Variants in SLK observed in about 807,000 individuals in gnomAD.
SLK encodes the protein STE20-like serine/threonine-protein kinase.
In SLK, 67 loss-of-function variants were observed where a neutral mutation model predicts 147.7. The ratio of observed to expected loss-of-function variants is 0.45; its 90% CI spans 0.37 to 0.56. SLK has a LOEUF of 0.56. Ranked by LOEUF, SLK falls within the 20% of genes least tolerant of loss-of-function variation. The pLI, the probability that SLK is intolerant of heterozygous loss-of-function variation, is 0.00. For missense variants in SLK, 1,136 were observed against 1,438.8 expected, an observed-to-expected ratio of 0.79 and a Z score of 3.41; for synonymous variants, 441 against 475.0, an observed-to-expected ratio of 0.93 and a Z score of 0.93.
rs1843729794 is a variant in SLK, at chr10:103,967,545, T to C, written c.-201T>C. ...GGGCCGGGCTCGGCGGAGGGGCCGC[T>C]CGCGCAGCACCCCCACCGCGGGCCG... is the stretch of plus-strand genomic sequence containing the variant. On this transcript the variant is annotated 5_prime_UTR_variant, in exon 1 of 19. Coordinates refer to ENST00000369755, the MANE Select transcript of SLK (RefSeq NM_014720.4). The C allele has an allele frequency of 6.5e-6, 1 of 154,354 alleles. No homozygotes were observed. Among genetic ancestry groups the C allele is most frequent in the Non-Finnish European group, 1.4e-5 (1 of 72,400 alleles). The allele number at this position is 154,354 out of a possible 1,614,324, so 9.6% of individuals were successfully genotyped here.
Position 104,002,098 on chromosome 10 carries a change from G to A in SLK, c.994-74G>A, listed in dbSNP as rs988867571. On this transcript the variant is annotated intron_variant, in intron 8 of 18. Transcript: ENST00000369755. ...TACTGAATAAAGATCTGAAATCACT[G>A]TAGGTCTGTAAACATTGTTTTGGTC... 5.7e-6 allele frequency: 6 copies of A among 1,051,066 alleles called. No individual in the cohort carries two copies. The African/African-American group carries it at 6.4e-5, about 11-fold the overall frequency. 65.1% of individuals were successfully genotyped at this position (1,051,066 alleles called of 1,614,324 possible).
Position 103,967,757 on chromosome 10 carries a change from C to T in SLK, c.12C>T (p.Phe4=). 1 of 1,614,038 alleles carries T rather than the reference C, an allele frequency of 6.2e-7. No homozygotes were observed. Among genetic ancestry groups the T allele is most frequent in the Non-Finnish European group, 8.5e-7 (1 of 1,179,926 alleles). ...TGTTGGGAGGAAAAATGTCCTTCTT[C>T]AATTTCCGTAAGATCTTCAAGTTGG... MSF[F]NFRKIFKLGS... The change falls in exon 1 of 19, where the codon TTC becomes TTT. Residue 4 remains phenylalanine, a synonymous_variant. Transcript: ENST00000369755.
At chr10:104,016,949 T>C (rs1844472888) in intron 13 of SLK, among the ~76,000 whole-genome samples, 1 of 152,218 alleles carries the variant, frequency 6.6e-6, no homozygotes, top group South Asian at 2.1e-4. Context: ...ATTGATTGAA[T>C]AGTCCATGAG....
At chr10:104,005,819 C>A in intron 10 of SLK, 93 bp from the exon 11 acceptor site, 1 of 1,506,844 alleles carries the variant, frequency 6.6e-7, no homozygotes, top group Non-Finnish European at 9.0e-7. Flanking sequence ...TACCGTTCCA[C>A]TCGAAAGAAA....
chr10:104,008,489 T>G, intron 12 of SLK, 133 bp downstream of exon 12: 2 of 645,692 alleles, frequency 3.1e-6, no homozygotes, highest in South Asian at 2.1e-5. Context: ...TCATTCGGTC[T>G]TCTCAACAGT....
In SLK at chr10:104,025,587, A is replaced by T. The variant is rs1413920626; in HGVS notation, c.3575A>T (p.Glu1192Val). The change falls in exon 19 of 19, where the codon GAG becomes GTG. Residue 1192 changes from glutamate to valine, a missense_variant. Physicochemically the swap from Glu to Val is moderately radical, Grantham distance 121. This residue lies in a region of SLK where 327 missense variants were observed against 457.5 expected (regional missense o/e 0.71). Transcript: ENST00000369755. ...TTTCTTTTTAAGACACTGGAAGAAG[A>T]GTTTGCCAGGAAACTACAGGAACAG... is the stretch of plus-strand genomic sequence containing the variant. ...LRPRKKTLEE[E>V]FARKLQEQEV... 6.2e-7 allele frequency: 1 copy of T among 1,613,814 alleles called. No homozygotes were observed. The highest frequency in any genetic ancestry group is 8.5e-7 in the Non-Finnish European group (1 of 1,179,844).
chr10:104,016,064 A>T (rs1353933395), intron 13 of SLK, among the ~76,000 whole-genome samples: 2 of 152,176 alleles, frequency 1.3e-5, no homozygotes, highest in Middle Eastern at 3.2e-3. Context: ...CACGCTTGTA[A>T]TCCCAGCACT....
rs181709737 is a variant in SLK at position 103,968,634 on chromosome 10, A to G, written c.150+739A>G. Among the ~76,000 whole-genome samples the G allele has an allele frequency of 8.5e-5, 13 of 152,352 alleles. No individual in the cohort carries two copies. In the East Asian group the frequency reaches 2.5e-3, roughly 29 times the overall value. ...TCCTAAGGAACATATGAATGATGTCATTGGAGTATTTTCATCCTGAAGGGC... is the reference window on the plus strand; with the variant it reads ...TCCTAAGGAACATATGAATGATGTCGTTGGAGTATTTTCATCCTGAAGGGC... On this transcript the variant is annotated intron_variant, in intron 1 of 18. Coordinates refer to ENST00000369755, the MANE Select transcript of SLK (RefSeq NM_014720.4).
chr10:104,008,453 G>C (rs1039506991), intron 12 of SLK, 97 bp downstream of exon 12: 1 of 754,592 alleles, frequency 1.3e-6, no homozygotes, highest in African/African-American at 1.8e-5. Flanking sequence ...TAATACTTGA[G>C]AGTTAAATAG....
chr10:103,984,340 C>T (rs539845121), intron 1 of SLK, among the ~76,000 whole-genome samples: 117 of 152,302 alleles, frequency 7.7e-4, no homozygotes, highest in South Asian at 3.3e-3. Flanking sequence ...AATATCACCT[C>T]GGTTAGACCT....
intron 1 of SLK, among the ~76,000 whole-genome samples, chr10:103,988,779 T>C (rs2134466607): frequency 6.6e-6 from 1 of 152,272 alleles, no homozygotes; most frequent in East Asian, 1.9e-4. Flanking sequence ...GTATATTAAA[T>C]GTTTATATGT....
Position 104,002,940 on chromosome 10 carries a change from C to T in SLK, c.1762C>T (p.Pro588Ser). The change falls in exon 9 of 19, where the codon CCC becomes TCC. Residue 588 changes from proline to serine, a missense_variant. Pro to Ser is a moderately conservative substitution (Grantham distance 74, BLOSUM62 -1). Transcript: ENST00000369755. ...VEVGQKLINKPMVGPEAGGTK... is the reference protein window; with the variant it reads ...VEVGQKLINKSMVGPEAGGTK... ...AGTAGGCCAGAAATTAATTAATAAG[C>T]CCATGGTGGGTCCTGAGGCTGGTGG... 1 of 1,613,910 alleles carries T rather than the reference C, an allele frequency of 6.2e-7. No homozygotes were observed. Among genetic ancestry groups the T allele is most frequent in the Non-Finnish European group, 8.5e-7 (1 of 1,179,920 alleles).
chr10:103,982,297 T>G (rs1320952632), intron 1 of SLK, among the ~76,000 whole-genome samples: 1 of 152,246 alleles, frequency 6.6e-6, no homozygotes, highest in African/African-American at 2.4e-5. Context: ...TTCATGCTGC[T>G]CAGAGTCAAT....
intron 18 of SLK, among the ~76,000 whole-genome samples, chr10:104,025,041 C>A (rs74154719): frequency 6.6e-6 from 1 of 152,164 alleles, no homozygotes; most frequent in Non-Finnish European, 1.5e-5. Flanking sequence ...AATGGTGCCT[C>A]TTACATTTCT....
chr10:104,007,124 T>C (rs1844337137), intron 11 of SLK, among the ~76,000 whole-genome samples: 1 of 152,100 alleles, frequency 6.6e-6, no homozygotes, highest in East Asian at 1.9e-4. Flanking sequence ...GACAATCTTA[T>C]TATTAAATAA....
At chr10:104,023,029 T>G (rs796910674) in intron 18 of SLK, among the ~76,000 whole-genome samples, 23 of 152,378 alleles carry the variant, frequency 1.5e-4, no homozygotes, top group African/African-American at 5.3e-4. Flanking sequence ...CTCCTTTACC[T>G]ACTTGCAGCC....
At chr10:103,984,374 G>A (rs576918254) in intron 1 of SLK, among the ~76,000 whole-genome samples, 4 of 152,196 alleles carry the variant, frequency 2.6e-5, no homozygotes, top group Non-Finnish European at 5.9e-5. Context: ...TATTTAAGTT[G>A]TAAACTCTGG....
At chr10:104,014,482 C>T (rs904110083) in intron 13 of SLK, among the ~76,000 whole-genome samples, 1 of 152,122 alleles carries the variant, frequency 6.6e-6, no homozygotes, top group African/African-American at 2.4e-5. Flanking sequence ...CCTCCTTTTT[C>T]CTCTCCTGAA....
chr10:104,020,431 A>G, intron 16 of SLK, 57 bp from the exon 17 acceptor site: 1 of 1,504,722 alleles, frequency 6.6e-7, no homozygotes, highest in Non-Finnish European at 9.0e-7. Context: ...ATATCTTCAG[A>G]ATATATAGAA....
Sources: allele counts gnomAD v4.1 joint callset (sites outside exome capture counted in the v4.1 genomes callset), GRCh38; gene constraint gnomAD v4.1.1; regional missense constraint gnomAD v4.1.1; transcripts MANE v1.5; gene names NCBI Gene and HGNC (gene_info 2026-07-23, HGNC 2026-07-21).